TTLL8: variants seen among roughly 807,000 people sequenced by gnomAD.
TTLL8 encodes tubulin tyrosine ligase like 8, also known as protein monoglycylase TTLL8.
TTLL8 carries 65 observed loss-of-function variants against 77.8 expected under a neutral mutation model. The ratio of observed to expected loss-of-function variants is 0.84; its 90% CI spans 0.68 to 1.03. The LOEUF (loss-of-function observed/expected upper bound fraction) is 1.03. TTLL8 is among the 50% of genes least tolerant of loss of function. The probability of loss-of-function intolerance (pLI) is 0.00; values close to 1 mark genes in which losing one functional copy is unlikely to be tolerated. For missense variants in TTLL8, 910 were observed against 1,004.5 expected (o/e 0.91, Z 1.27); for synonymous variants, 402 against 422.8 (o/e 0.95, Z 0.60).
intron 3 of TTLL8, among the ~76,000 whole-genome samples, chr22:50,048,359 G>A (rs1018037666): frequency 1.2e-4 from 18 of 152,074 alleles, no homozygotes; most frequent in African/African-American, 4.1e-4. Context: ...TTAGGATTAG[G>A]TCATGAGCCT....
chr22:50,051,226 T>C (rs952481406), intron 1 of TTLL8, among the ~76,000 whole-genome samples: 1 of 152,248 alleles, frequency 6.6e-6, no homozygotes, highest in African/African-American at 2.4e-5. Context: ...AAACTCTATC[T>C]TATCATTCTT....
chr22:50,030,420 C>A lies in TTLL8; in HGVS notation c.2203+10G>T. 1 of 1,312,732 alleles carries A rather than the reference C, an allele frequency of 7.6e-7. No individual in the cohort carries two copies. The highest frequency in any genetic ancestry group is 9.9e-7 in the Non-Finnish European group (1 of 1,005,170). 81.3% of individuals were successfully genotyped at this position (1,312,732 alleles called of 1,614,324 possible). ...CAAGCCCACAGCGCACCGCCGGCGG[C>A]GCAGGTTACCTTTTCCTCCGGGCGG... On this transcript the variant is annotated intron_variant, in intron 12 of 13. Transcript: ENST00000266182.
At chr22:50,053,805 T>C (rs760548080) in intron 1 of TTLL8, among the ~76,000 whole-genome samples, 6 of 152,188 alleles carry the variant, frequency 3.9e-5, no homozygotes, top group Non-Finnish European at 8.8e-5. Context: ...TGACTGCACA[T>C]GTTTGTACCT....
chr22:50,047,835 C>T (rs576308067), intron 3 of TTLL8, among the ~76,000 whole-genome samples: 85 of 152,324 alleles, frequency 5.6e-4, no homozygotes, highest in African/African-American at 2.0e-3. Flanking sequence ...CAGTGGCTCA[C>T]GCCTGTAATC....
chr22:50,026,333 C>T lies in TTLL8; in HGVS notation c.2203+4097G>A, dbSNP rs1010859204. On this transcript the variant is annotated intron_variant, in intron 12 of 13. Transcript: ENST00000266182. ...GAGGGGAGGGTCAGACACAGAAATA[C>T]GCCTGCCACTCTGCACAGCCACCAC... 2.3e-5 allele frequency among the ~76,000 whole-genome samples: 3 copies of T among 129,322 alleles called. No individual in the cohort carries two copies. In the Admixed American group the frequency reaches 2.4e-4, roughly 10 times the overall value. 84.8% of individuals were successfully genotyped at this position (129,322 alleles called of 152,430 possible). A position where few individuals can be genotyped will look rare whatever the true frequency, so the allele number is the denominator to read the frequency against.
chr22:50,049,725 G>C (rs1427631546), intron 2 of TTLL8, among the ~76,000 whole-genome samples: 1 of 152,280 alleles, frequency 6.6e-6, no homozygotes, highest in Admixed American at 6.5e-5. Context: ...CCAAGAGGAT[G>C]CAGACACAGC....
At chr22:50,019,223 GA>G (rs1265206847) in intron 12 of TTLL8, among the ~76,000 whole-genome samples, 1 of 152,122 alleles carries the variant, frequency 6.6e-6, no homozygotes, top group Non-Finnish European at 1.5e-5. Flanking sequence ...CTCCAAACCA[GA>G]AGAAGGAAAA....
chr22:50,050,301 C>T, intron 1 of TTLL8, 54 bp from the exon 4 acceptor site: 1 of 1,275,144 alleles, frequency 7.8e-7, no homozygotes, highest in South Asian at 1.3e-5. Flanking sequence ...GGGGAATAGG[C>T]AGATTTTGGT....
chr22:50,046,729 G>A (rs1025527269), intron 4 of TTLL8, among the ~76,000 whole-genome samples: 4 of 152,234 alleles, frequency 2.6e-5, no homozygotes, highest in African/African-American at 7.2e-5. Flanking sequence ...CACACCCTGC[G>A]TCCTGGGCAG....
In TTLL8 at chr22:50,044,908, G is replaced by A. The variant is rs551009148; in HGVS notation, c.643+347C>T. 6.6e-6 allele frequency among the ~76,000 whole-genome samples: 1 copy of A among 152,298 alleles called. No homozygotes were observed. The highest frequency in any genetic ancestry group is 2.1e-4 in the South Asian group (1 of 4,828). The stretch of plus-strand genomic sequence containing the variant: ...GTCCTCTCCCACGGGGCCCCTTTGG[G>A]GAGACTCAGGCTGCGGCATCGTGGT... On this transcript the variant is annotated intron_variant, in intron 6 of 13. Coordinates refer to ENST00000266182, the Ensembl canonical transcript of TTLL8. This position sits in a 1 kb window ranked among gnomAD's most constrained non-coding sequence, Gnocchi z 4.2.
chr22:50,046,527 G>T (rs2061412908), intron 4 of TTLL8, among the ~76,000 whole-genome samples: 1 of 152,254 alleles, frequency 6.6e-6, no homozygotes, highest in African/African-American at 2.4e-5. Flanking sequence ...TCTGCACACG[G>T]GGTCTTTGAA....
At position 50,048,440 on chromosome 22, in the gene TTLL8, G is replaced by A. The variant is rs149828213; in HGVS notation, c.264+809C>T. ...AAAACCCTCGCCCCTGGGTGAGGAC[G>A]CAGAGAGAAGCCAGCCGTCCATGAA... On this transcript the variant is annotated intron_variant, in intron 3 of 13. Coordinates refer to ENST00000266182, the Ensembl canonical transcript of TTLL8. Among the ~76,000 whole-genome samples the A allele has an allele frequency of 1.1e-4, 17 of 152,206 alleles. No individual in the cohort carries two copies. In the East Asian group the frequency reaches 3.1e-3, roughly 28 times the overall value.
chr22:50,039,113 A>AT (rs1453434048), intron 8 of TTLL8, among the ~76,000 whole-genome samples: 3 of 152,036 alleles, frequency 2.0e-5, no homozygotes, highest in Non-Finnish European at 4.4e-5. Flanking sequence ...CTGGCCTATG[A>AT]TTTTTTGTTA....
intron 12 of TTLL8, among the ~76,000 whole-genome samples, chr22:50,026,964 T>C (rs2146631004): frequency 6.6e-6 from 1 of 152,302 alleles, no homozygotes; most frequent in Non-Finnish European, 1.5e-5. Context: ...CCAGGTGCGG[T>C]GGCTCACGCC....
intron 6 of TTLL8, among the ~76,000 whole-genome samples, chr22:50,043,428 CAGTGGTGCCGAGACGT>C (rs2061386761): frequency 6.9e-6 from 1 of 144,840 alleles, no homozygotes; most frequent in Admixed American, 6.9e-5. Context: ...GATAGATAAA[CAGTGGTGCCGAGACGT>C]CCTTCGGTAG....
chr22:50,057,058 AGGGTCAGGTCTGGGGTTGGGG>A, upstream of TTLL8: 1 of 977,224 alleles, frequency 1.0e-6, no homozygotes, highest in Non-Finnish European at 1.4e-6. Context: ...GCCCAAGCTG[AGGGTCAGGTCTGGGGTTGGGG>A]ATCAGCTCTG....
At chr22:50,028,233 A>G (rs960041437) in intron 12 of TTLL8, among the ~76,000 whole-genome samples, 1 of 152,334 alleles carries the variant, frequency 6.6e-6, no homozygotes, top group Admixed American at 6.5e-5. Flanking sequence ...CCTCTTCAGC[A>G]TGGTAATTTG....
In TTLL8 at chr22:50,031,798, T is replaced by A. The variant is rs374921312; in HGVS notation, c.1595A>T (p.His532Leu). The A allele has an allele frequency of 2.9e-6, 4 of 1,366,602 alleles. No individual in the cohort carries two copies. The African/African-American group carries it at 5.9e-5, about 20-fold the overall frequency. The allele number at this position is 1,366,602 out of a possible 1,614,324, so 84.7% of individuals were successfully genotyped here. A position where few individuals can be genotyped will look rare whatever the true frequency, so the allele number is the denominator to read the frequency against. The change falls in exon 11 of 14, where the codon CAC becomes CTC. Residue 532 changes from histidine (H) to leucine (L), a missense_variant. Coordinates refer to ENST00000266182, the Ensembl canonical transcript of TTLL8. ...CTGGGCCGTGACCGGCGTGGACGGG[T>A]GCATGGTGGGGCTGGAATTGATCTC...
At chr22:50,055,289 G>A (rs2061465190), upstream of TTLL8, 1 of 1,290,108 alleles carries the variant, frequency 7.8e-7, no homozygotes, top group Non-Finnish European at 1.0e-6. Context: ...TAATCTGGAG[G>A]AAGAAGCCAA....
Sources: gnomAD v4.1 joint callset for allele counts (sites outside exome capture counted in the v4.1 genomes callset) on GRCh38, gnomAD v4.1.1 for gene constraint, Gnocchi (gnomAD v3.1) non-coding constraint, MANE v1.5 for transcripts, NCBI Gene and HGNC (gene_info 2026-07-23, HGNC 2026-07-21) for gene names.